Variants in STUM observed in about 807,000 individuals in gnomAD.
STUM encodes stum, mechanosensory transduction mediator homolog.
STUM carries 8 observed loss-of-function variants against 15.3 expected under a neutral mutation model. That is an observed-to-expected ratio of 0.52 (90% CI 0.31 to 0.94). STUM has a LOEUF of 0.94. Ranked by LOEUF, STUM falls within the 40% of genes least tolerant of loss-of-function variation. The pLI, the probability that STUM is intolerant of heterozygous loss-of-function variation, is 0.05. For synonymous variants in STUM, 78 were observed against 88.7 expected, an observed-to-expected ratio of 0.88 and a Z score of 0.68; for missense variants, 142 against 204.9, an observed-to-expected ratio of 0.69 and a Z score of 1.87.
intron 1 of STUM, among the ~76,000 whole-genome samples, chr1:226,575,666 CA>C (rs1667797057): frequency 6.6e-6 from 1 of 152,250 alleles, no homozygotes; most frequent in African/African-American, 2.4e-5. Context: ...CAAGATTTCC[CA>C]AAGTGCCATT....
chr1:226,558,393 TA>T (rs1667484029), intron 1 of STUM, among the ~76,000 whole-genome samples: 1 of 152,202 alleles, frequency 6.6e-6, no homozygotes, highest in South Asian at 2.1e-4. Context: ...ACAGGGTGAC[TA>T]ACAAGCACTT....
intron 1 of STUM, among the ~76,000 whole-genome samples, chr1:226,584,502 G>C (rs569270960): frequency 6.6e-5 from 10 of 152,326 alleles, no homozygotes; most frequent in African/African-American, 2.4e-4. Flanking sequence ...GTCTACAGTG[G>C]CTCCTGAAGG....
chr1:226,563,876 A>G (rs708749), intron 1 of STUM, among the ~76,000 whole-genome samples: 8,840 of 152,314 alleles, frequency 0.058, 837 homozygotes, highest in African/African-American at 0.2. Context: ...CCTGACTCAG[A>G]AGGGAAAAAA....
rs532487610 is a variant in STUM at position 226,581,806 on chromosome 1, C to T, written c.203-14996C>T. Among the ~76,000 whole-genome samples the T allele has an allele frequency of 3.9e-5, 6 of 152,308 alleles. No individual in the cohort carries two copies. The South Asian group carries it at 1.2e-3, about 32-fold the overall frequency. ...CCGCCATCCTCTTAGTGGATTTCAT[C>T]CTGAGCCAGGCCTGCCCTAGCCGGC... On this transcript the variant is annotated intron_variant, in intron 1 of 3. Coordinates refer to ENST00000366788, the MANE Select transcript of STUM (RefSeq NM_001003665.4).
Position 226,569,564 on chromosome 1 carries a change from G to A in STUM, c.202+20458G>A, listed in dbSNP as rs762610521. On this transcript the variant is annotated intron_variant, in intron 1 of 3. Coordinates refer to ENST00000366788, the MANE Select transcript of STUM (RefSeq NM_001003665.4). ...CTCAGACCTCAGAATCCCTTGGGAC[G>A]CTTGGTAAAAATGTAAAACCCCAGC... is the stretch of plus-strand genomic sequence containing the variant. Among the ~76,000 whole-genome samples, 5 of 152,302 alleles carry A rather than the reference G, an allele frequency of 3.3e-5. No individual in the cohort carries two copies. In the South Asian group the frequency reaches 6.2e-4, roughly 19 times the overall value.
At chr1:226,583,547 C>G (rs1667950581) in intron 1 of STUM, among the ~76,000 whole-genome samples, 2 of 152,218 alleles carry the variant, frequency 1.3e-5, no homozygotes, top group Non-Finnish European at 2.9e-5. Context: ...TAAAGCAATT[C>G]TGTTTTTCCT....
intron 1 of STUM, among the ~76,000 whole-genome samples, chr1:226,563,632 C>A (rs1558278926): frequency 1.3e-5 from 2 of 152,234 alleles, no homozygotes; most frequent in Non-Finnish European, 1.5e-5. Context: ...CAGAGCAGAT[C>A]CCAATGCTGC....
intron 1 of STUM, among the ~76,000 whole-genome samples, chr1:226,556,065 A>T (rs913863205): frequency 3.9e-5 from 6 of 152,232 alleles, no homozygotes; most frequent in African/African-American, 1.4e-4. Flanking sequence ...CTTATAGCAC[A>T]TCTCAATTTG....
At chr1:226,595,310 G>A (rs749649332) in intron 1 of STUM, among the ~76,000 whole-genome samples, 8 of 152,040 alleles carry the variant, frequency 5.3e-5, no homozygotes, top group Non-Finnish European at 8.8e-5. Context: ...CTAGGCCCCC[G>A]ACCAATTGGA....
intron 1 of STUM, among the ~76,000 whole-genome samples, chr1:226,570,513 A>G (rs943529451): frequency 6.6e-5 from 10 of 152,236 alleles, no homozygotes; most frequent in African/African-American, 2.2e-4. Flanking sequence ...TGCAGTCGCC[A>G]TTGTTTTAGA....
chr1:226,597,492 C>G, intron 2 of STUM: 1 of 472,204 alleles, frequency 2.1e-6, no homozygotes, highest in Non-Finnish European at 4.4e-6. Context: ...TACCCCATGC[C>G]CCTCATTGTG....
At chr1:226,571,971 A>G (rs1286030886) in intron 1 of STUM, among the ~76,000 whole-genome samples, 1 of 152,020 alleles carries the variant, frequency 6.6e-6, no homozygotes, top group Admixed American at 6.5e-5. Flanking sequence ...CCTACTTCGC[A>G]CTTCTGAGTG....
chr1:226,586,122 C>A (rs1667993668), intron 1 of STUM, among the ~76,000 whole-genome samples: 1 of 152,152 alleles, frequency 6.6e-6, no homozygotes, highest in Non-Finnish European at 1.5e-5. Context: ...TCTGCTATTA[C>A]CTGCTATGTC....
chr1:226,608,011 TCCC>T lies in STUM; in HGVS notation c.*5972_*5974del, dbSNP rs1668389211. 6.6e-6 allele frequency: 1 copy of T among 152,410 alleles called. No homozygotes were observed. The allele number at this position is 152,410 out of a possible 1,614,324, so 9.4% of individuals were successfully genotyped here. A position where few individuals can be genotyped will look rare whatever the true frequency, so the allele number is the denominator to read the frequency against. On this transcript the variant is annotated 3_prime_UTR_variant, in exon 4 of 4. Coordinates refer to ENST00000366788, the MANE Select transcript of STUM (RefSeq NM_001003665.4). The surrounding 1 kb of genome is among the most constrained non-coding windows in gnomAD (Gnocchi z 4.0). ...GGCAGCACTTTTTTCCCTCATCACA[TCCC>T]TGACCCCTGCCCAGCCCACATGCAC...
At chr1:226,601,595 C>T (rs569585149) in intron 3 of STUM, among the ~76,000 whole-genome samples, 1 of 152,176 alleles carries the variant, frequency 6.6e-6, no homozygotes, top group South Asian at 2.1e-4. Context: ...TGTATGCCAT[C>T]TTCCTCCTTT....
At position 226,549,432 on chromosome 1, in the gene STUM, A is replaced by ATTTCTGCTCCT. The variant is rs1667334028; in HGVS notation, c.202+328_202+338dup. 6.6e-6 allele frequency among the ~76,000 whole-genome samples: 1 copy of ATTTCTGCTCCT among 151,992 alleles called. No homozygotes were observed. The highest frequency in any genetic ancestry group is 1.5e-5 in the Non-Finnish European group (1 of 67,998). ...GTAGGGCTCCCGTCCCGGCGCCCCG[A>ATTTCTGCTCCT]TTTCTGCTCCTTCTCTCCGTCGTGT... is the stretch of plus-strand genomic sequence containing the variant. On this transcript the variant is annotated intron_variant, in intron 1 of 3. Transcript: ENST00000366788. This position sits in a 1 kb window ranked among gnomAD's most constrained non-coding sequence, Gnocchi z 6.8.
chr1:226,589,400 G>A (rs778517877), intron 1 of STUM, among the ~76,000 whole-genome samples: 7 of 152,206 alleles, frequency 4.6e-5, no homozygotes, highest in Non-Finnish European at 7.3e-5. Flanking sequence ...CTCCCAGGAC[G>A]GAAGTGGAGG....
chr1:226,558,497 C>T (rs916813807), intron 1 of STUM, among the ~76,000 whole-genome samples: 3 of 152,268 alleles, frequency 2.0e-5, no homozygotes, highest in Middle Eastern at 3.4e-3. Flanking sequence ...CCACACGTGA[C>T]GTGCTGGCTT....
intron 1 of STUM, among the ~76,000 whole-genome samples, chr1:226,550,245 G>A (rs568769155): frequency 6.6e-6 from 1 of 152,334 alleles, no homozygotes; most frequent in Non-Finnish European, 1.5e-5. Flanking sequence ...GGCCTCTGCT[G>A]CGGTGACAGC....
Sources: gnomAD v4.1 joint callset for allele counts (sites outside exome capture counted in the v4.1 genomes callset) on GRCh38, gnomAD v4.1.1 for gene constraint, Gnocchi (gnomAD v3.1) non-coding constraint, MANE v1.5 for transcripts, NCBI Gene and HGNC (gene_info 2026-07-23, HGNC 2026-07-21) for gene names.